CDH4: variants seen among roughly 807,000 people sequenced by gnomAD.
The protein encoded by CDH4 is cadherin 4.
CDH4 carries 33 observed loss-of-function variants against 86.0 expected under a neutral mutation model. The ratio of observed to expected loss-of-function variants is 0.38; its 90% CI spans 0.29 to 0.51. CDH4 has a LOEUF of 0.51. Ranked by LOEUF, CDH4 falls within the 20% of genes least tolerant of loss-of-function variation. CDH4 has a pLI of 0.86. For synonymous variants in CDH4, 555 were observed against 549.4 expected (o/e 1.01, Z -0.14); for missense variants, 1,114 against 1,307.4 (o/e 0.85, Z 2.28).
At chr20:61,932,832 C>T (rs879504637) in intron 13 of CDH4, among the ~76,000 whole-genome samples, 153 bp from the exon 14 acceptor site, 32 of 152,336 alleles carry the variant, frequency 2.1e-4, no homozygotes, top group East Asian at 9.7e-4. Context: ...CAGAGACATG[C>T]GCGTGTGCAG....
At chr20:61,555,652 C>T (rs1358595033) in intron 2 of CDH4, among the ~76,000 whole-genome samples, 8 of 152,196 alleles carry the variant, frequency 5.3e-5, no homozygotes, top group Non-Finnish European at 8.8e-5. Context: ...ACCCTTTATT[C>T]GACAACTCCA....
intron 2 of CDH4, among the ~76,000 whole-genome samples, chr20:61,561,607 C>T (rs4925256): frequency 0.27 from 40,525 of 152,168 alleles, 5,981 homozygotes; most frequent in African/African-American, 0.39. Context: ...GACTGTGGCC[C>T]GTGAGCCCAA....
chr20:61,901,220 A>AGGAGCAGGG (rs1985386811), intron 8 of CDH4, among the ~76,000 whole-genome samples: 1 of 29,630 alleles, frequency 3.4e-5, no homozygotes. Context: ...GAGCAGGAGG[A>AGGAGCAGGG]GTAGGGGCAG....
At chr20:61,297,311 G>A (rs376047519) in intron 2 of CDH4, among the ~76,000 whole-genome samples, 6 of 152,162 alleles carry the variant, frequency 3.9e-5, no homozygotes, top group African/African-American at 7.2e-5. Context: ...GCTTGAACCC[G>A]GGAGGCGGAA....
chr20:61,860,788 A>G (rs192547457), intron 6 of CDH4, among the ~76,000 whole-genome samples: 24 of 152,238 alleles, frequency 1.6e-4, no homozygotes, highest in African/African-American at 5.8e-4. Context: ...GTCTAGAGTA[A>G]TGGCCCACAG....
At chr20:61,378,462 T>C (rs1163577701) in intron 2 of CDH4, among the ~76,000 whole-genome samples, 2 of 152,068 alleles carry the variant, frequency 1.3e-5, no homozygotes, top group African/African-American at 4.8e-5. Flanking sequence ...TCCCTGGGTT[T>C]CTCCAGCTCC....
intron 4 of CDH4, among the ~76,000 whole-genome samples, chr20:61,785,474 T>G (rs1346612092): frequency 6.6e-6 from 1 of 152,210 alleles, no homozygotes; most frequent in Non-Finnish European, 1.5e-5. Context: ...GCCTGTGGGC[T>G]GTGGTTTGTG....
At chr20:61,705,994 C>T (rs942164495) in intron 2 of CDH4, among the ~76,000 whole-genome samples, 7 of 152,220 alleles carry the variant, frequency 4.6e-5, no homozygotes, top group Non-Finnish European at 1.0e-4. Flanking sequence ...TTCTCCCCCA[C>T]GGGTGCTGGC....
intron 2 of CDH4, among the ~76,000 whole-genome samples, chr20:61,698,411 G>C (rs1013299927): frequency 6.6e-6 from 1 of 152,252 alleles, no homozygotes; most frequent in African/African-American, 2.4e-5. Context: ...AGTGGGAGCC[G>C]CAGCCCTGCC....
intron 2 of CDH4, among the ~76,000 whole-genome samples, chr20:61,620,065 C>T (rs2086757568): frequency 7.1e-6 from 1 of 141,088 alleles, no homozygotes; most frequent in South Asian, 2.4e-4. Flanking sequence ...AAGGCCTGTC[C>T]TCCCTGGCTT....
intron 2 of CDH4, among the ~76,000 whole-genome samples, chr20:61,356,990 T>C (rs2084753878): frequency 6.6e-6 from 1 of 152,182 alleles, no homozygotes; most frequent in African/African-American, 2.4e-5. Flanking sequence ...GAATCTGTAG[T>C]GGGCCTGAAC....
At chr20:61,667,262 G>A (rs547048336) in intron 2 of CDH4, among the ~76,000 whole-genome samples, 2 of 152,332 alleles carry the variant, frequency 1.3e-5, no homozygotes, top group African/African-American at 4.8e-5. Context: ...GAAACAGTCG[G>A]CCGGGATGGC....
Position 61,518,866 on chromosome 20 carries a change from ATCAT to A in CDH4, c.170-224688_170-224685del, listed in dbSNP as rs1462296745. Among the ~76,000 whole-genome samples the A allele has an allele frequency of 6.6e-6, 1 of 151,178 alleles. No individual in the cohort carries two copies. Among genetic ancestry groups the A allele is most frequent in the African/African-American group, 2.4e-5 (1 of 41,238 alleles). ...TCATCCACCCATCACCCATTCATCC[ATCAT>A]TCATTCATCAATCCACCCATCATCC... On this transcript the variant is annotated intron_variant, in intron 2 of 15. Coordinates refer to ENST00000614565, the MANE Select transcript of CDH4 (RefSeq NM_001794.5). The surrounding 1 kb of genome is among the most constrained non-coding windows in gnomAD (Gnocchi z 6.3).
At position 61,759,502 on chromosome 20, in the gene CDH4, G is replaced by A. The variant is rs116490566; in HGVS notation, c.397-13501G>A. 3.6e-3 allele frequency among the ~76,000 whole-genome samples: 549 copies of A among 152,298 alleles called. 3 individuals are homozygous for A. The highest frequency in any genetic ancestry group is 0.013 in the African/African-American group (523 of 41,568). ...CAGGGCTCTGGATGGAGCGTTTATC[G>A]CGGTCCTCACCAACGTCTTCCCGAA... On this transcript the variant is annotated intron_variant, in intron 3 of 15. Coordinates refer to ENST00000614565, the MANE Select transcript of CDH4 (RefSeq NM_001794.5).
At chr20:61,913,249 G>A (rs1351946989) in intron 9 of CDH4, among the ~76,000 whole-genome samples, 1 of 152,184 alleles carries the variant, frequency 6.6e-6, no homozygotes, top group Non-Finnish European at 1.5e-5. Flanking sequence ...ATCAGAAAGG[G>A]CCGGTACCAA....
intron 8 of CDH4, among the ~76,000 whole-genome samples, chr20:61,900,540 AG>A (rs1323426000): frequency 6.6e-5 from 10 of 152,308 alleles, no homozygotes; most frequent in African/African-American, 2.4e-4. Context: ...ACCCTGGGGC[AG>A]GGACCAACAG....
At chr20:61,508,056 T>A (rs2085754147) in intron 2 of CDH4, among the ~76,000 whole-genome samples, 1 of 152,270 alleles carries the variant, frequency 6.6e-6, no homozygotes, top group East Asian at 1.9e-4. Context: ...GAGACCATGC[T>A]GGGCATTCAA....
At chr20:61,774,466 C>T (rs2088815273) in intron 4 of CDH4, among the ~76,000 whole-genome samples, 1 of 152,206 alleles carries the variant, frequency 6.6e-6, no homozygotes, top group African/African-American at 2.4e-5. Flanking sequence ...TTGCATCCGG[C>T]CATTGCTTGT....
intron 2 of CDH4, among the ~76,000 whole-genome samples, chr20:61,348,026 G>A (rs1262535416): frequency 6.6e-6 from 1 of 152,232 alleles, no homozygotes; most frequent in Non-Finnish European, 1.5e-5. Flanking sequence ...AGGTGTGCCT[G>A]TAACATGGTG....
Sources: allele counts gnomAD v4.1 joint callset (sites outside exome capture counted in the v4.1 genomes callset), GRCh38; gene constraint gnomAD v4.1.1; non-coding constraint Gnocchi (gnomAD v3.1); transcripts MANE v1.5; gene names NCBI Gene and HGNC (gene_info 2026-07-23, HGNC 2026-07-21).